DLGAP2: variants seen among roughly 807,000 people sequenced by gnomAD.
DLGAP2 encodes the protein DLG associated protein 2, also known as disks large-associated protein 2.
In DLGAP2, 26 loss-of-function variants were observed where a neutral mutation model predicts 100.3. The observed-to-expected ratio is 0.26, with a 90% CI of 0.19 to 0.36. The LOEUF (loss-of-function observed/expected upper bound fraction) is 0.36. Among genes scored for constraint, DLGAP2 ranks in the 10% least tolerant of loss-of-function variants. DLGAP2 has a pLI of 1.00. For synonymous variants in DLGAP2, 886 were observed against 630.1 expected, an observed-to-expected ratio of 1.41 and a Z score of -6.08; for missense variants, 1,858 against 1,453.2, an observed-to-expected ratio of 1.28 and a Z score of -4.53.
chr8:1,356,033 C>A (rs1456014855), intron 3 of DLGAP2, among the ~76,000 whole-genome samples: 1 of 152,248 alleles, frequency 6.6e-6, no homozygotes, highest in African/African-American at 2.4e-5. Context: ...ATGATCGGGG[C>A]CACTGCACTG....
intron 2 of DLGAP2, among the ~76,000 whole-genome samples, chr8:1,205,093 G>A (rs935256821): frequency 6.6e-6 from 1 of 152,188 alleles, no homozygotes; most frequent in East Asian, 1.9e-4. Context: ...TGTGTTTCCT[G>A]TCCGTCAAGG....
intron 3 of DLGAP2, among the ~76,000 whole-genome samples, chr8:1,449,696 T>C (rs918792599): frequency 5.3e-5 from 8 of 152,154 alleles, no homozygotes; most frequent in Non-Finnish European, 1.0e-4. Flanking sequence ...GCAGGGGGTG[T>C]GCAGATGACA....
At chr8:1,254,511 A>G (rs948192529) in intron 2 of DLGAP2, among the ~76,000 whole-genome samples, 5 of 152,114 alleles carry the variant, frequency 3.3e-5, no homozygotes, top group African/African-American at 7.2e-5. Context: ...AGTGGCTCTC[A>G]TGAACTTACC....
intron 1 of DLGAP2, among the ~76,000 whole-genome samples, chr8:818,353 C>T (rs62488853): frequency 3.9e-5 from 6 of 152,324 alleles, no homozygotes; most frequent in African/African-American, 1.2e-4. Context: ...TAACTCCCAC[C>T]GTGCCCCACC....
chr8:1,455,661 C>T (rs1050581382), intron 3 of DLGAP2, among the ~76,000 whole-genome samples: 1 of 152,184 alleles, frequency 6.6e-6, no homozygotes, highest in Non-Finnish European at 1.5e-5. Flanking sequence ...CTGCCAGGGG[C>T]ACGCCCCCCA....
intron 2 of DLGAP2, among the ~76,000 whole-genome samples, chr8:914,609 C>T (rs954860147): frequency 7.9e-5 from 12 of 152,166 alleles, no homozygotes; most frequent in Admixed American, 3.9e-4. Flanking sequence ...CGTTCTGGGC[C>T]GGGCACTTCT....
chr8:1,080,796 A>C (rs113312554), intron 2 of DLGAP2, among the ~76,000 whole-genome samples: 1 of 152,196 alleles, frequency 6.6e-6, no homozygotes. Flanking sequence ...TTGAAATTAT[A>C]CTAGGTCAGA....
chr8:892,351 C>T (rs374298158), intron 1 of DLGAP2, among the ~76,000 whole-genome samples: 67 of 152,162 alleles, frequency 4.4e-4, no homozygotes, highest in Non-Finnish European at 7.5e-4. Flanking sequence ...TCCACACAGC[C>T]GAACATGAGT....
chr8:1,584,821 G>A (rs905613356), intron 6 of DLGAP2, among the ~76,000 whole-genome samples: 3 of 152,070 alleles, frequency 2.0e-5, no homozygotes, highest in South Asian at 2.1e-4. Context: ...GTTTCGTGCT[G>A]TTTCCAGTAT....
intron 2 of DLGAP2, among the ~76,000 whole-genome samples, chr8:941,768 T>C (rs546517443): frequency 6.6e-6 from 1 of 152,312 alleles, no homozygotes; most frequent in African/African-American, 2.4e-5. Flanking sequence ...AAGCATATAA[T>C]ATTTTACATC....
intron 13 of DLGAP2, among the ~76,000 whole-genome samples, chr8:1,695,043 AG>A (rs568306331): frequency 6.6e-6 from 1 of 152,062 alleles, no homozygotes; most frequent in Admixed American, 6.5e-5. Context: ...CGAGGAGAGG[AG>A]GGGGGCACGG....
At chr8:821,009 TGACA>T (rs1796574028) in intron 1 of DLGAP2, among the ~76,000 whole-genome samples, 1 of 152,202 alleles carries the variant, frequency 6.6e-6, no homozygotes, top group Non-Finnish European at 1.5e-5. Context: ...CAATTTAGAC[TGACA>T]GTCACATAAA....
intron 1 of DLGAP2, among the ~76,000 whole-genome samples, chr8:774,947 C>G (rs1821472541): frequency 6.6e-6 from 1 of 150,442 alleles, no homozygotes; most frequent in East Asian, 2.0e-4. Flanking sequence ...GGCAGTATGG[C>G]CATTTTCACG....
At chr8:1,576,642 AG>A (rs930993001) in intron 6 of DLGAP2, among the ~76,000 whole-genome samples, 2 of 152,136 alleles carry the variant, frequency 1.3e-5, no homozygotes, top group Non-Finnish European at 2.9e-5. Flanking sequence ...AATTAATTTT[AG>A]TATAAGGTGT....
chr8:1,436,531 G>A (rs763858039), intron 3 of DLGAP2, among the ~76,000 whole-genome samples: 2 of 152,094 alleles, frequency 1.3e-5, no homozygotes, highest in Admixed American at 6.5e-5. Context: ...AGACAACCCA[G>A]GACAATACTT....
At chr8:1,472,747 A>C (rs2130207818) in intron 3 of DLGAP2, among the ~76,000 whole-genome samples, 1 of 152,196 alleles carries the variant, frequency 6.6e-6, no homozygotes, top group African/African-American at 2.4e-5. Flanking sequence ...AATTAGAAAA[A>C]CCCTAGCTGG....
chr8:1,205,465 A>T (rs1168915696), intron 2 of DLGAP2, among the ~76,000 whole-genome samples: 2 of 152,162 alleles, frequency 1.3e-5, no homozygotes, highest in African/African-American at 4.8e-5. Flanking sequence ...CACAGCCTCA[A>T]AAGCTTGGGA....
At chr8:1,042,173 C>T (rs1411631022) in intron 2 of DLGAP2, among the ~76,000 whole-genome samples, 1 of 152,224 alleles carries the variant, frequency 6.6e-6, no homozygotes, top group Non-Finnish European at 1.5e-5. Context: ...GAGTCCCTCA[C>T]ACCTGAGTGA....
At chr8:807,133 T>C (rs927694477) in intron 1 of DLGAP2, among the ~76,000 whole-genome samples, 13 of 152,368 alleles carry the variant, frequency 8.5e-5, no homozygotes, top group Admixed American at 7.2e-4. Context: ...TGTGTGGATT[T>C]TTCCCAGTGG....
Sources: allele counts gnomAD v4.1 joint callset (sites outside exome capture counted in the v4.1 genomes callset), GRCh38; gene constraint gnomAD v4.1.1; transcripts MANE v1.5; gene names NCBI Gene and HGNC (gene_info 2026-07-23, HGNC 2026-07-21).